The following NAA25 variants were observed in gnomAD, a reference collection of about 807,000 sequenced individuals.
NAA25 encodes the protein N-alpha-acetyltransferase 25, NatB auxiliary subunit, also known as N-terminal acetyltransferase B complex subunit NAA25.
A neutral mutation model predicts 132.5 loss-of-function variants in NAA25; 30 were observed. The observed-to-expected ratio is 0.23, with a 90% CI of 0.17 to 0.31. NAA25 has a LOEUF of 0.31. Ranked by LOEUF, NAA25 falls within the 10% of genes least tolerant of loss-of-function variation. The pLI, the probability that NAA25 is intolerant of heterozygous loss-of-function variation, is 1.00. For synonymous variants in NAA25, 359 were observed against 401.9 expected, an observed-to-expected ratio of 0.89 and a Z score of 1.28; for missense variants, 771 against 1,150.4, an observed-to-expected ratio of 0.67 and a Z score of 4.77.
At chr12:112,056,819 T>A (rs959951195) in intron 13 of NAA25, among the ~76,000 whole-genome samples, 6 of 152,196 alleles carry the variant, frequency 3.9e-5, no homozygotes, top group Non-Finnish European at 7.3e-5. Context: ...ACTGCAGGAT[T>A]TTGGACAATT....
At chr12:112,107,129 G>A (rs1018109583) in intron 1 of NAA25, among the ~76,000 whole-genome samples, 8 of 151,984 alleles carry the variant, frequency 5.3e-5, no homozygotes, top group African/African-American at 1.9e-4. Context: ...GCCTGGTGGC[G>A]TGCAACTGTA....
chr12:112,043,135 G>T lies in NAA25; in HGVS notation c.2327C>A (p.Ser776Tyr). 6.2e-7 allele frequency: 1 copy of T among 1,613,140 alleles called. No homozygotes were observed. Among genetic ancestry groups the T allele is most frequent in the South Asian group, 1.1e-5 (1 of 90,986 alleles). The change falls in exon 19 of 24, where the codon TCT becomes TAT. Residue 776 changes from serine (S) to tyrosine (Y), a missense_variant. Ser to Tyr is a moderately radical substitution (Grantham distance 144, BLOSUM62 -2). Around this residue, in one of 3 missense-constraint regions of NAA25, gnomAD observed 324 missense variants for 400.0 expected, o/e 0.81. Transcript: ENST00000261745. ...ATAAATATCATTGACAAGATAAAAA[G>T]AGCTTATCTGGCACTGAGAACAGCC... The part of the protein sequence containing the change: ...NSGCSQCQIS[S>Y]FYLVNDIYEL...
rs538541297 is a variant in NAA25, at chr12:112,029,526, C to T, written c.*5G>A. On this transcript the variant is annotated 3_prime_UTR_variant, in exon 24 of 24. Coordinates refer to ENST00000261745, the MANE Select transcript of NAA25 (RefSeq NM_024953.4). ...GAGTCATCAGTGCCCATGATAGATA[C>T]TTCCTTAAATTTTTAGTTTCTTTGT... The T allele has an allele frequency of 3.6e-5, 58 of 1,613,748 alleles. No individual in the cohort carries two copies. In the South Asian group the frequency reaches 5.1e-4, roughly 14 times the overall value.
chr12:112,035,192 AT>A (rs2136800751), intron 22 of NAA25: 1 of 152,252 alleles, frequency 6.6e-6, no homozygotes, highest in East Asian at 1.9e-4. Context: ...AACCATTCTC[AT>A]TTTTAGAAAC....
intron 20 of NAA25, among the ~76,000 whole-genome samples, 171 bp from the exon 21 acceptor site, chr12:112,040,749 C>A (rs1317423320): frequency 6.6e-6 from 1 of 152,124 alleles, no homozygotes; most frequent in African/African-American, 2.4e-5. Context: ...ATTGTAAGTT[C>A]TTTAAAAAGC....
rs57810657 is a variant in NAA25, at chr12:112,037,275, C to CATATATATAT, written c.2649+1944_2649+1953dup. ...TCAGATAGCGATATTTTAAAAAATA[C>CATATATATAT]ATATATATATATATATATATATATA... On this transcript the variant is annotated intron_variant, in intron 22 of 23. Coordinates refer to ENST00000261745, the MANE Select transcript of NAA25 (RefSeq NM_024953.4). 1.5e-3 allele frequency among the ~76,000 whole-genome samples: 96 copies of CATATATATAT among 65,162 alleles called. 1 individual carries two copies. The highest frequency in any genetic ancestry group is 2.1e-3 in the Non-Finnish European group (66 of 31,010). 42.7% of individuals were successfully genotyped at this position (65,162 alleles called of 152,430 possible). A position where few individuals can be genotyped will look rare whatever the true frequency, so the allele number is the denominator to read the frequency against.
At chr12:112,041,620 A>G (rs1177532570) in intron 20 of NAA25, among the ~76,000 whole-genome samples, 4 of 152,194 alleles carry the variant, frequency 2.6e-5, no homozygotes, top group African/African-American at 4.8e-5. Context: ...CTCAAATAAT[A>G]CCCTAACAAT....
chr12:112,070,308 G>C (rs367955714), intron 10 of NAA25, among the ~76,000 whole-genome samples: 32 of 152,174 alleles, frequency 2.1e-4, no homozygotes, highest in African/African-American at 7.5e-4. Context: ...AGATCTAAGG[G>C]CTTCATCAAA....
chr12:112,080,945 G>A (rs911253897), intron 5 of NAA25, 115 bp downstream of exon 5: 13 of 864,270 alleles, frequency 1.5e-5, no homozygotes, highest in Non-Finnish European at 1.4e-5. Flanking sequence ...TCCTGCCTGG[G>A]TGACAGCGTG....
At chr12:112,072,833 A>C (rs1380978004) in intron 9 of NAA25, among the ~76,000 whole-genome samples, 1 of 151,836 alleles carries the variant, frequency 6.6e-6, no homozygotes, top group East Asian at 1.9e-4. Context: ...GCTACTTGGG[A>C]GGCTGATGTG....
At chr12:112,054,618 C>G in intron 13 of NAA25, 50 bp from the exon 14 acceptor site, 1 of 1,537,522 alleles carries the variant, frequency 6.5e-7, no homozygotes, top group Non-Finnish European at 8.8e-7. Context: ...CAAATGAAAG[C>G]TTCCCAAAAA....
intron 11 of NAA25, among the ~76,000 whole-genome samples, chr12:112,067,999 A>ATTAC (rs2078744340): frequency 6.6e-6 from 1 of 152,102 alleles, no homozygotes; most frequent in African/African-American, 2.4e-5. Context: ...CAGCCTCCCA[A>ATTAC]AGTGCTGGGA....
At chr12:112,091,836 T>C (rs1050897830) in intron 2 of NAA25, among the ~76,000 whole-genome samples, 9 of 152,172 alleles carry the variant, frequency 5.9e-5, no homozygotes, top group African/African-American at 2.2e-4. Context: ...CACTCCAGGC[T>C]GGGTGATAGA....
intron 1 of NAA25, among the ~76,000 whole-genome samples, chr12:112,106,654 G>C (rs1476913951): frequency 6.6e-6 from 1 of 152,154 alleles, no homozygotes; most frequent in Non-Finnish European, 1.5e-5. Flanking sequence ...TTCTAGCACA[G>C]TGGTTAAGAA....
chr12:112,094,685 G>A (rs1183616645), intron 1 of NAA25, among the ~76,000 whole-genome samples: 1 of 152,044 alleles, frequency 6.6e-6, no homozygotes, highest in Admixed American at 6.6e-5. Context: ...TGTGAGACAG[G>A]GTCTTGCTCA....
chr12:112,087,323 T>C (rs1254001125), intron 4 of NAA25, among the ~76,000 whole-genome samples: 2 of 152,240 alleles, frequency 1.3e-5, no homozygotes, highest in African/African-American at 2.4e-5. Context: ...AGATGTAAAC[T>C]TTAAAGTTAC....
intron 1 of NAA25, among the ~76,000 whole-genome samples, chr12:112,093,904 T>A (rs1296265343): frequency 1.3e-5 from 2 of 151,740 alleles, no homozygotes; most frequent in Admixed American, 6.6e-5. Context: ...TTTTTTAATT[T>A]AAAAATTTTT....
Position 112,029,440 on chromosome 12 carries a change from T to C in NAA25, c.*91A>G, listed in dbSNP as rs940488999. 1.2e-5 allele frequency: 19 copies of C among 1,583,876 alleles called. No homozygotes were observed. Among genetic ancestry groups the C allele is most frequent in the Middle Eastern group, 1.7e-4 (1 of 5,928 alleles). On this transcript the variant is annotated 3_prime_UTR_variant, in exon 24 of 24. Coordinates refer to ENST00000261745, the MANE Select transcript of NAA25 (RefSeq NM_024953.4). Reference sequence around the variant, plus strand: ...TGCATTTTATGAGGAAGTTCTGGATTAAAATCATGGTCAACCAGATGTTGC... The same window carrying C: ...TGCATTTTATGAGGAAGTTCTGGATCAAAATCATGGTCAACCAGATGTTGC...
intron 11 of NAA25, among the ~76,000 whole-genome samples, 188 bp downstream of exon 11, chr12:112,068,692 G>A (rs7958097): frequency 6.6e-6 from 1 of 152,140 alleles, no homozygotes; most frequent in Non-Finnish European, 1.5e-5. Context: ...CTTTACTCCC[G>A]TTGTGACTTA....
Sources: allele counts gnomAD v4.1 joint callset (sites outside exome capture counted in the v4.1 genomes callset), GRCh38; gene constraint gnomAD v4.1.1; regional missense constraint gnomAD v4.1.1; transcripts MANE v1.5; gene names NCBI Gene and HGNC (gene_info 2026-07-23, HGNC 2026-07-21).